LRMDA: variants seen among roughly 807,000 people sequenced by gnomAD.
LRMDA encodes the protein leucine-rich melanocyte differentiation-associated protein.
LRMDA carries 18 observed loss-of-function variants against 29.8 expected under a neutral mutation model. The observed-to-expected ratio is 0.60, with a 90% CI of 0.42 to 0.90. The LOEUF is 0.90. Ranked by LOEUF, LRMDA falls within the 40% of genes least tolerant of loss-of-function variation. The pLI is 0.00. For synonymous variants in LRMDA, 125 were observed against 109.4 expected (o/e 1.14, Z -0.89); for missense variants, 273 against 273.9 (o/e 1.00, Z 0.02).
chr10:75,636,296 C>T (rs1382628191), intron 2 of LRMDA, among the ~76,000 whole-genome samples: 3 of 152,148 alleles, frequency 2.0e-5, no homozygotes, highest in Non-Finnish European at 2.9e-5. Flanking sequence ...GAACAAATTA[C>T]CTAGCCACTT....
intron 2 of LRMDA, among the ~76,000 whole-genome samples, chr10:75,834,072 C>T (rs1273047505): frequency 6.6e-6 from 1 of 152,150 alleles, no homozygotes; most frequent in Non-Finnish European, 1.5e-5. Context: ...TTTTATCAGC[C>T]TGTTTCTTGT....
At chr10:75,859,980 C>T (rs867979515) in intron 2 of LRMDA, among the ~76,000 whole-genome samples, 14 of 152,134 alleles carry the variant, frequency 9.2e-5, no homozygotes, top group Admixed American at 1.3e-4. Context: ...TTCGACCCAA[C>T]ACCATTTGTT....
chr10:76,013,495 C>T (rs974679135), intron 2 of LRMDA, among the ~76,000 whole-genome samples: 11 of 152,074 alleles, frequency 7.2e-5, no homozygotes, highest in South Asian at 2.1e-4. Flanking sequence ...CACAGAAGAG[C>T]GCTCTTTAAG....
chr10:75,886,067 C>T (rs1478962340), intron 2 of LRMDA, among the ~76,000 whole-genome samples: 1 of 152,216 alleles, frequency 6.6e-6, no homozygotes. Flanking sequence ...TGGCAATACA[C>T]CTAGTTTTGC....
At chr10:76,041,147 T>A (rs1397121553) in intron 3 of LRMDA, among the ~76,000 whole-genome samples, 1 of 152,232 alleles carries the variant, frequency 6.6e-6, no homozygotes, top group Non-Finnish European at 1.5e-5. Flanking sequence ...GTTAAAGACT[T>A]TACAATTTCT....
intron 2 of LRMDA, among the ~76,000 whole-genome samples, chr10:75,611,290 A>G (rs1444282980): frequency 6.6e-6 from 1 of 152,208 alleles, no homozygotes; most frequent in African/African-American, 2.4e-5. Context: ...ATCTGTGAGC[A>G]GGACCTTGAT....
intron 5 of LRMDA, among the ~76,000 whole-genome samples, chr10:76,154,130 C>T (rs1046943784): frequency 6.6e-6 from 1 of 152,154 alleles, no homozygotes; most frequent in African/African-American, 2.4e-5. Flanking sequence ...GGATAGAACC[C>T]CTTTTCTTTC....
chr10:76,008,413 C>CT (rs1172633133), intron 2 of LRMDA, among the ~76,000 whole-genome samples: 1 of 151,350 alleles, frequency 6.6e-6, no homozygotes, highest in African/African-American at 2.4e-5. Flanking sequence ...TTTTTTTTGC[C>CT]TTTTTTGCCT....
intron 2 of LRMDA, among the ~76,000 whole-genome samples, chr10:75,790,374 T>C (rs929300133): frequency 1.3e-5 from 2 of 152,236 alleles, no homozygotes; most frequent in African/African-American, 4.8e-5. Context: ...ACAACAATTA[T>C]ATGCTAGACA....
intron 6 of LRMDA, among the ~76,000 whole-genome samples, chr10:76,503,267 C>G (rs1422472224): frequency 1.3e-5 from 2 of 151,844 alleles, no homozygotes; most frequent in Non-Finnish European, 2.9e-5. Flanking sequence ...GGCAAATTAA[C>G]TTTTTAATGT....
intron 5 of LRMDA, among the ~76,000 whole-genome samples, chr10:76,253,626 A>G (rs1265370016): frequency 6.6e-6 from 1 of 152,148 alleles, no homozygotes; most frequent in African/African-American, 2.4e-5. Flanking sequence ...CTCATATATC[A>G]TATATTTAAC....
intron 2 of LRMDA, among the ~76,000 whole-genome samples, chr10:75,659,851 CTTCT>C (rs1190642891): frequency 6.6e-6 from 1 of 151,962 alleles, no homozygotes; most frequent in Admixed American, 6.6e-5. Flanking sequence ...CTCCTTTTTT[CTTCT>C]TTCTCTTTTC....
intron 2 of LRMDA, among the ~76,000 whole-genome samples, chr10:75,896,142 A>T (rs937384523): frequency 8.5e-5 from 13 of 152,222 alleles, no homozygotes; most frequent in Middle Eastern, 3.2e-3. Flanking sequence ...TATTACAGTC[A>T]TTCATGGGTG....
chr10:75,630,127 C>A (rs1041608569), intron 2 of LRMDA, among the ~76,000 whole-genome samples: 1 of 152,170 alleles, frequency 6.6e-6, no homozygotes, highest in Non-Finnish European at 1.5e-5. Context: ...AAGGCCTGGG[C>A]CTGGGGTGAT....
At chr10:75,524,699 G>C (rs1332124064) in intron 2 of LRMDA, among the ~76,000 whole-genome samples, 1 of 152,162 alleles carries the variant, frequency 6.6e-6, no homozygotes, top group African/African-American at 2.4e-5. Context: ...TATTCTAAGG[G>C]ACTTAGAAAG....
intron 5 of LRMDA, among the ~76,000 whole-genome samples, chr10:76,292,390 A>G (rs1385151206): frequency 6.6e-6 from 1 of 152,004 alleles, no homozygotes; most frequent in Admixed American, 6.6e-5. Context: ...TGGACTCCAC[A>G]TCCTTGGGAC....
intron 5 of LRMDA, among the ~76,000 whole-genome samples, chr10:76,311,697 C>A (rs556935024): frequency 1.3e-5 from 2 of 152,188 alleles, no homozygotes; most frequent in South Asian, 4.2e-4. Context: ...TTGGGTAGGT[C>A]GCCTCATTAA....
At chr10:75,873,350 G>C (rs1474800273) in intron 2 of LRMDA, among the ~76,000 whole-genome samples, 8 of 152,150 alleles carry the variant, frequency 5.3e-5, no homozygotes, top group Non-Finnish European at 7.3e-5. Flanking sequence ...AGCTTAATTT[G>C]TATTTAATCT....
intron 2 of LRMDA, among the ~76,000 whole-genome samples, chr10:75,942,946 G>T (rs1037179858): frequency 1.3e-5 from 2 of 152,100 alleles, no homozygotes; most frequent in African/African-American, 4.8e-5. Context: ...GATGCTACAA[G>T]TCATGTACTT....
Sources: allele counts gnomAD v4.1 joint callset (sites outside exome capture counted in the v4.1 genomes callset), GRCh38; gene constraint gnomAD v4.1.1; transcripts MANE v1.5; gene names NCBI Gene and HGNC (gene_info 2026-07-23, HGNC 2026-07-21).